PACRG: variants seen among roughly 807,000 people sequenced by gnomAD.
The protein encoded by PACRG is parkin coregulated gene protein.
Under a neutral mutation model 29.7 loss-of-function variants are expected in PACRG, and 29 were observed. The ratio of observed to expected loss-of-function variants is 0.98; its 90% CI spans 0.73 to 1.33. PACRG has a LOEUF of 1.33. PACRG is among the 40% of genes most tolerant of loss of function. The pLI, the probability that PACRG is intolerant of heterozygous loss-of-function variation, is 0.00. For synonymous variants in PACRG, 116 were observed against 118.7 expected (o/e 0.98, Z 0.15); for missense variants, 279 against 316.2 (o/e 0.88, Z 0.89).
chr6:163,116,564 C>T (rs1223022792), intron 4 of PACRG, among the ~76,000 whole-genome samples: 1 of 152,130 alleles, frequency 6.6e-6, no homozygotes, highest in African/African-American at 2.4e-5. Flanking sequence ...AGACCAGCGA[C>T]AGCAGTCCAG....
chr6:163,304,030 A>T lies in PACRG; in HGVS notation c.614-10797A>T, dbSNP rs1316515405. On this transcript the variant is annotated intron_variant, in intron 4 of 4. Transcript: ENST00000366888. ...GACTCCATTTCAAAAAAAAAAAAAA[A>T]AAAAAAAAGTAAATGGGATAATCTC... 2.6e-3 allele frequency among the ~76,000 whole-genome samples: 391 copies of T among 151,572 alleles called. 3 individuals carry two copies. Among genetic ancestry groups the T allele is most frequent in the African/African-American group, 9.0e-3 (371 of 41,298 alleles).
chr6:162,784,421 T>C (rs1315702780), intron 1 of PACRG, among the ~76,000 whole-genome samples: 1 of 152,150 alleles, frequency 6.6e-6, no homozygotes, highest in South Asian at 2.1e-4. Flanking sequence ...AGCTGCAAGA[T>C]GGAAAGATGA....
intron 1 of PACRG, among the ~76,000 whole-genome samples, chr6:162,788,117 A>G (rs778257269): frequency 1.3e-4 from 20 of 152,088 alleles, no homozygotes; most frequent in Non-Finnish European, 2.4e-4. Context: ...ACCATTACGT[A>G]TCATACAGAG....
At position 162,768,953 on chromosome 6, in the gene PACRG, T is replaced by C. The variant is rs1447309284; in HGVS notation, c.156+40562T>C. ...CTGTTATAAACACTTCCTGTTTGTA[T>C]AGCACTCTGTGCTTAACCCTGTTGA... On this transcript the variant is annotated intron_variant, in intron 1 of 4. Coordinates refer to ENST00000366888, the MANE Select transcript of PACRG (RefSeq NM_001080379.2). Among the ~76,000 whole-genome samples, 15 of 152,194 alleles carry C rather than the reference T, an allele frequency of 9.9e-5. No individual in the cohort carries two copies. In the East Asian group the frequency reaches 2.9e-3, roughly 29 times the overall value.
chr6:162,824,961 C>T (rs1490030436), intron 2 of PACRG, among the ~76,000 whole-genome samples: 1 of 152,192 alleles, frequency 6.6e-6, no homozygotes, highest in Non-Finnish European at 1.5e-5. Flanking sequence ...TTTCTGTAGA[C>T]AAACTTTTCA....
intron 1 of PACRG, among the ~76,000 whole-genome samples, chr6:162,735,214 T>G (rs536049513): frequency 2.0e-5 from 3 of 152,106 alleles, no homozygotes; most frequent in Non-Finnish European, 4.4e-5. Flanking sequence ...ATTTTTACAC[T>G]TTTTTTGGAG....
intron 4 of PACRG, among the ~76,000 whole-genome samples, chr6:163,164,917 A>AT (rs1400458417): frequency 1.3e-5 from 2 of 152,168 alleles, no homozygotes; most frequent in African/African-American, 4.8e-5. Flanking sequence ...TGCTCAGGGT[A>AT]TGTATGTATG....
intron 4 of PACRG, among the ~76,000 whole-genome samples, chr6:163,243,735 A>G (rs1782589963): frequency 6.6e-6 from 1 of 152,192 alleles, no homozygotes; most frequent in Non-Finnish European, 1.5e-5. Context: ...ACCCTGAAAC[A>G]CTAACCTGAT....
chr6:162,857,781 TA>T (rs1220416198), intron 2 of PACRG, among the ~76,000 whole-genome samples: 1 of 151,872 alleles, frequency 6.6e-6, no homozygotes, highest in Non-Finnish European at 1.5e-5. Context: ...TTTTTTTTTT[TA>T]ATTTAAGGTC....
intron 2 of PACRG, among the ~76,000 whole-genome samples, chr6:162,996,633 T>C (rs1420715750): frequency 6.6e-6 from 1 of 152,142 alleles, no homozygotes; most frequent in Non-Finnish European, 1.5e-5. Flanking sequence ...GAAGTACTCA[T>C]GCCAAATTTT....
chr6:162,947,535 C>G lies in PACRG; in HGVS notation c.292-114615C>G, dbSNP rs1372699648. On this transcript the variant is annotated intron_variant, in intron 2 of 4. Transcript: ENST00000366888. ...CTATATATATAATCATATATATACT[C>G]ATATATAATCATATATATATAATCA... 5.9e-5 allele frequency among the ~76,000 whole-genome samples: 6 copies of G among 101,928 alleles called. No homozygotes were observed. The Admixed American group carries it at 6.8e-4, about 12-fold the overall frequency. 66.9% of individuals were successfully genotyped at this position (101,928 alleles called of 152,430 possible).
chr6:162,876,957 G>A (rs978569949), intron 2 of PACRG, among the ~76,000 whole-genome samples: 1 of 152,192 alleles, frequency 6.6e-6, no homozygotes, highest in African/African-American at 2.4e-5. Flanking sequence ...AGAGGATGTG[G>A]AGAAATAGGA....
At chr6:163,250,307 C>T (rs77535957) in intron 4 of PACRG, among the ~76,000 whole-genome samples, 5 of 152,282 alleles carry the variant, frequency 3.3e-5, no homozygotes, top group East Asian at 3.9e-4. Context: ...TTTTCCTTCC[C>T]GCTGATTGCC....
chr6:163,275,499 C>T (rs1783992537), intron 4 of PACRG, among the ~76,000 whole-genome samples: 1 of 152,180 alleles, frequency 6.6e-6, no homozygotes, highest in African/African-American at 2.4e-5. Context: ...CCAAATGTCA[C>T]ATTTTTTTCA....
In PACRG at chr6:162,734,547, A is replaced by G. The variant is rs1026589835; in HGVS notation, c.156+6156A>G. On this transcript the variant is annotated intron_variant, in intron 1 of 4. Transcript: ENST00000366888. ...ATTATTTCAAGTAACTTTATTAATA[A>G]TTGATTACTTAATGTCATATATTTA... 1.2e-3 allele frequency among the ~76,000 whole-genome samples: 180 copies of G among 152,298 alleles called. 1 individual carries two copies. The highest frequency in any genetic ancestry group is 1.0e-3 in the Non-Finnish European group (68 of 68,020).
At chr6:162,861,144 T>C (rs919556150) in intron 2 of PACRG, among the ~76,000 whole-genome samples, 2 of 152,230 alleles carry the variant, frequency 1.3e-5, no homozygotes, top group South Asian at 4.1e-4. Flanking sequence ...AAAGAACATT[T>C]AAATATATAA....
At chr6:163,022,008 C>T (rs534455005) in intron 2 of PACRG, among the ~76,000 whole-genome samples, 10 of 152,286 alleles carry the variant, frequency 6.6e-5, no homozygotes, top group Non-Finnish European at 1.0e-4. Flanking sequence ...GATGCACAGC[C>T]GACCACGGAC....
chr6:162,985,691 G>A (rs1383518351), intron 2 of PACRG, among the ~76,000 whole-genome samples: 1 of 152,010 alleles, frequency 6.6e-6, no homozygotes, highest in African/African-American at 2.4e-5. Flanking sequence ...ACATAGTGCT[G>A]GTATTCCTAG....
chr6:162,832,562 T>C (rs1788873571), intron 2 of PACRG, among the ~76,000 whole-genome samples: 2 of 152,204 alleles, frequency 1.3e-5, no homozygotes, highest in Admixed American at 1.3e-4. Flanking sequence ...TTACAAATTC[T>C]AAACAACTTG....
Sources: allele counts gnomAD v4.1 joint callset (sites outside exome capture counted in the v4.1 genomes callset), GRCh38; gene constraint gnomAD v4.1.1; transcripts MANE v1.5; gene names NCBI Gene and HGNC (gene_info 2026-07-23, HGNC 2026-07-21).